The following SHC3 variants were observed in gnomAD, a reference collection of about 807,000 sequenced individuals.
SHC3 encodes the protein SHC adaptor protein 3.
SHC3 carries 15 observed loss-of-function variants against 60.4 expected under a neutral mutation model. That is an observed-to-expected ratio of 0.25 (90% confidence interval 0.17 to 0.38). The LOEUF (loss-of-function observed/expected upper bound fraction) is 0.38. Among genes scored for constraint, SHC3 ranks in the 10% least tolerant of loss-of-function variants. The pLI is 1.00. For synonymous variants in SHC3, 294 were observed against 325.9 expected (o/e 0.90, Z 1.05); for missense variants, 677 against 786.1 (o/e 0.86, Z 1.66).
At chr9:89,131,660 C>T (rs558739671) in intron 1 of SHC3, among the ~76,000 whole-genome samples, 2 of 152,260 alleles carry the variant, frequency 1.3e-5, no homozygotes, top group African/African-American at 2.4e-5. Flanking sequence ...ACAAAAACCA[C>T]ATGATTATCT....
chr9:89,115,979 C>T (rs1341173467), intron 1 of SHC3, among the ~76,000 whole-genome samples: 2 of 152,170 alleles, frequency 1.3e-5, no homozygotes, highest in Non-Finnish European at 2.9e-5. Flanking sequence ...ACCACCACCA[C>T]CAATGTCACA....
At chr9:89,150,111 C>T (rs1442637648) in intron 1 of SHC3, among the ~76,000 whole-genome samples, 11 of 152,058 alleles carry the variant, frequency 7.2e-5, no homozygotes, top group Non-Finnish European at 8.8e-5. Flanking sequence ...TAGTTATTGT[C>T]GTTAATCCCT....
At chr9:89,027,343 A>C (rs1826330811) in intron 11 of SHC3, among the ~76,000 whole-genome samples, 1 of 52,816 alleles carries the variant, frequency 1.9e-5, no homozygotes. Context: ...TTTTTTTGAG[A>C]CTGAGTCTCG....
rs142766069 is a variant in SHC3, at chr9:89,099,484, T to C, written c.545+13072A>G. Among the ~76,000 whole-genome samples the C allele has an allele frequency of 1.9e-3, 282 of 152,318 alleles. 3 individuals are homozygous for C. The highest frequency in any genetic ancestry group is 6.0e-3 in the African/African-American group (249 of 41,566). ...GATACAGCAGCTTTTCAAAAGAATA[T>C]TCCATGATTATTTCCAGTATTTTCT... On this transcript the variant is annotated intron_variant, in intron 2 of 11. Coordinates refer to ENST00000375835, the MANE Select transcript of SHC3 (RefSeq NM_016848.6).
rs1246315928 is a variant in SHC3 at position 89,007,155 on chromosome 9, A to C, written c.*6292T>G. ...CAGAGCATCTGTGACAGCCAGGAGG[A>C]GGAAAGAAGGGAGGCTGGGATCACC... On this transcript the variant is annotated 3_prime_UTR_variant, in exon 12 of 12. Coordinates refer to ENST00000375835, the MANE Select transcript of SHC3 (RefSeq NM_016848.6). 1 of 152,242 alleles carries C rather than the reference A, an allele frequency of 6.6e-6. No homozygotes were observed. Among genetic ancestry groups the C allele is most frequent in the Non-Finnish European group, 1.5e-5 (1 of 68,046 alleles). The allele number at this position is 152,242 out of a possible 1,614,324, so 9.4% of individuals were successfully genotyped here. A position where few individuals can be genotyped will look rare whatever the true frequency, so the allele number is the denominator to read the frequency against.
chr9:89,026,018 C>T (rs538894748), intron 11 of SHC3, among the ~76,000 whole-genome samples: 46 of 152,202 alleles, frequency 3.0e-4, no homozygotes, highest in African/African-American at 9.4e-4. Context: ...CCAAGGCAGG[C>T]GGACCACCTG....
intron 1 of SHC3, among the ~76,000 whole-genome samples, chr9:89,122,285 C>T (rs987376040): frequency 4.6e-5 from 7 of 152,206 alleles, no homozygotes; most frequent in African/African-American, 1.7e-4. Context: ...AACTTTGCTA[C>T]CCTCTTCAGG....
intron 11 of SHC3, among the ~76,000 whole-genome samples, chr9:89,027,236 T>G (rs1046465846): frequency 2.0e-5 from 3 of 152,198 alleles, no homozygotes; most frequent in African/African-American, 7.2e-5. Context: ...GTGAGCATGA[T>G]GCTAAAATTT....
At position 89,046,830 on chromosome 9, in the gene SHC3, A is replaced by AG; in HGVS notation, c.1113+13_1113+14insC. ...CCTCCATTCCTTATATAAGAAAAAA[A>AG]CTATAAGACTTACCTGGGCTGTGTC... is the stretch of plus-strand genomic sequence containing the variant. On this transcript the variant is annotated intron_variant, in intron 8 of 11. Transcript: ENST00000375835. 6.6e-7 allele frequency: 1 copy of AG among 1,519,364 alleles called. No individual in the cohort carries two copies. The highest frequency in any genetic ancestry group is 8.8e-7 in the Non-Finnish European group (1 of 1,134,614). The allele number at this position is 1,519,364 out of a possible 1,614,324, so 94.1% of individuals were successfully genotyped here. A position where few individuals can be genotyped will look rare whatever the true frequency, so the allele number is the denominator to read the frequency against.
intron 2 of SHC3, among the ~76,000 whole-genome samples, chr9:89,089,564 C>A (rs988858695): frequency 6.6e-6 from 1 of 152,200 alleles, no homozygotes; most frequent in Non-Finnish European, 1.5e-5. Context: ...CACACTGAAC[C>A]ACCATACCTA....
chr9:89,170,870 A>G (rs981129779), intron 1 of SHC3, among the ~76,000 whole-genome samples: 7 of 152,230 alleles, frequency 4.6e-5, no homozygotes, highest in African/African-American at 1.7e-4. Context: ...GAAGATGTGC[A>G]TAAGTTATTT....
intron 10 of SHC3, among the ~76,000 whole-genome samples, chr9:89,039,893 CCAT>C (rs1215332992): frequency 3.3e-5 from 5 of 151,598 alleles, no homozygotes; most frequent in African/African-American, 9.7e-5. Context: ...ACCAGCATAA[CCAT>C]CATCATCACC....
intron 2 of SHC3, among the ~76,000 whole-genome samples, chr9:89,086,704 C>T (rs1156522399): frequency 6.6e-6 from 1 of 152,196 alleles, no homozygotes; most frequent in African/African-American, 2.4e-5. Context: ...CAACCTCTAA[C>T]CCTGCTTTGA....
At position 89,178,189 on chromosome 9, in the gene SHC3, C is replaced by T. The variant is rs1157582363; in HGVS notation, c.272G>A (p.Arg91Gln). The T allele has an allele frequency of 7.4e-7, 1 of 1,343,562 alleles. No individual in the cohort carries two copies. Among genetic ancestry groups the T allele is most frequent in the Admixed American group, 3.9e-5 (1 of 25,898 alleles). The allele number at this position is 1,343,562 out of a possible 1,614,324, so 83.2% of individuals were successfully genotyped here. A position where few individuals can be genotyped will look rare whatever the true frequency, so the allele number is the denominator to read the frequency against. ...LRGLSSAARE[R>Q]AGARLSGSCS... ...GCTGCCCGAGAGCCGCGCGCCCGCCCGCTCCCGGGCGGCCGACGACAGGCC... is the reference window on the plus strand; with the variant it reads ...GCTGCCCGAGAGCCGCGCGCCCGCCTGCTCCCGGGCGGCCGACGACAGGCC... Residue 91 changes from arginine to glutamine, a missense_variant, in exon 1 of 12, where the codon CGG becomes CAG. Coordinates refer to ENST00000375835, the MANE Select transcript of SHC3 (RefSeq NM_016848.6). The surrounding 1 kb of genome is among the most constrained non-coding windows in gnomAD (Gnocchi z 6.9).
At chr9:89,092,615 CAAAAAAAAA>C (rs59133401) in intron 2 of SHC3, among the ~76,000 whole-genome samples, 3 of 67,860 alleles carry the variant, frequency 4.4e-5, no homozygotes, top group South Asian at 6.0e-4. Context: ...GACTCTGTCT[CAAAAAAAAA>C]AAAAAAAAAA....
At chr9:89,157,406 C>T (rs1826638115) in intron 1 of SHC3, among the ~76,000 whole-genome samples, 1 of 152,228 alleles carries the variant, frequency 6.6e-6, no homozygotes, top group Admixed American at 6.5e-5. Flanking sequence ...AGACAAGATG[C>T]AGACTCTCCC....
intron 1 of SHC3, among the ~76,000 whole-genome samples, chr9:89,167,056 T>C (rs766460509): frequency 8.6e-5 from 13 of 152,014 alleles, no homozygotes; most frequent in Non-Finnish European, 1.3e-4. Flanking sequence ...ATCATGACTT[T>C]TTTGTCCTGA....
chr9:89,056,191 C>T (rs1459543752), intron 6 of SHC3, among the ~76,000 whole-genome samples: 1 of 152,190 alleles, frequency 6.6e-6, no homozygotes, highest in Non-Finnish European at 1.5e-5. Flanking sequence ...TGAAATGCAG[C>T]CTGTGAAGTT....
chr9:89,109,123 A>C, intron 2 of SHC3: 1 of 985,500 alleles, frequency 1.0e-6, no homozygotes, highest in Non-Finnish European at 1.2e-6. Flanking sequence ...GGGGATAGGA[A>C]ATCCTCTACA....
Sources: allele counts gnomAD v4.1 joint callset (sites outside exome capture counted in the v4.1 genomes callset), GRCh38; gene constraint gnomAD v4.1.1; non-coding constraint Gnocchi (gnomAD v3.1); transcripts MANE v1.5; gene names NCBI Gene and HGNC (gene_info 2026-07-23, HGNC 2026-07-21).